ME2: variants seen among roughly 807,000 people sequenced by gnomAD.
ME2 encodes NAD-dependent malic enzyme, mitochondrial.
Under a neutral mutation model 73.7 loss-of-function variants are expected in ME2, and 60 were observed. That is an observed-to-expected ratio of 0.81 (90% CI 0.66 to 1.01). The LOEUF (loss-of-function observed/expected upper bound fraction) is 1.01. ME2 is among the 50% of genes least tolerant of loss of function. The probability of loss-of-function intolerance (pLI) is 0.00; values close to 1 mark genes in which losing one functional copy is unlikely to be tolerated. For missense variants in ME2, 594 were observed against 705.5 expected (o/e 0.84, Z 1.79); for synonymous variants, 199 against 236.9 (o/e 0.84, Z 1.47).
At chr18:50,932,561 G>T in intron 13 of ME2, 1 of 409,974 alleles carries the variant, frequency 2.4e-6, no homozygotes, top group Non-Finnish European at 4.3e-6. Context: ...AATTAAATTT[G>T]TTTTTATTAT....
chr18:50,946,585 T>C (rs1378055949), intron 15 of ME2, among the ~76,000 whole-genome samples: 2 of 152,198 alleles, frequency 1.3e-5, no homozygotes, highest in Non-Finnish European at 2.9e-5. Flanking sequence ...CCTGACCTTA[T>C]AGTTCTAGTG....
Position 50,902,705 on chromosome 18 carries a change from C to G in ME2, c.109-5358C>G, listed in dbSNP as rs141200605. Among the ~76,000 whole-genome samples, 250 of 152,274 alleles carry G rather than the reference C, an allele frequency of 1.6e-3. 1 individual carries two copies. The highest frequency in any genetic ancestry group is 6.0e-4 in the Non-Finnish European group (41 of 68,014). On this transcript the variant is annotated intron_variant, in intron 2 of 15. Coordinates refer to ENST00000321341, the MANE Select transcript of ME2 (RefSeq NM_002396.5). Reference sequence around the variant, plus strand: ...AGCCACTGTGCCTGGCCTCTATCATCTATTTTTATTTGGCCATGATTCTCT... The same window carrying G: ...AGCCACTGTGCCTGGCCTCTATCATGTATTTTTATTTGGCCATGATTCTCT...
chr18:50,883,104 T>G (rs1241309445), intron 1 of ME2, among the ~76,000 whole-genome samples: 2 of 152,240 alleles, frequency 1.3e-5, no homozygotes, highest in Non-Finnish European at 2.9e-5. Flanking sequence ...TTACATTGTG[T>G]TAGTTTTTCC....
intron 1 of ME2, among the ~76,000 whole-genome samples, chr18:50,892,787 G>GA (rs1422818208): frequency 6.6e-6 from 1 of 151,934 alleles, no homozygotes; most frequent in Non-Finnish European, 1.5e-5. Context: ...TTTATTCTAA[G>GA]AAAAACAATT....
At chr18:50,898,075 A>G (rs930960761) in intron 2 of ME2, among the ~76,000 whole-genome samples, 5 of 152,202 alleles carry the variant, frequency 3.3e-5, no homozygotes, top group Non-Finnish European at 7.3e-5. Flanking sequence ...TACCATGTAA[A>G]GAAATCTCAT....
intron 2 of ME2, among the ~76,000 whole-genome samples, chr18:50,898,949 T>G (rs557974992): frequency 3.3e-5 from 5 of 152,356 alleles, no homozygotes; most frequent in African/African-American, 1.2e-4. Flanking sequence ...TCTCCTTTTC[T>G]CCCCATGCTC....
rs1161426219 is a variant in ME2, at chr18:50,951,543, T to C, written c.*4359T>C. ...CTCCTCTCTTCTTTGACGTGTTACGTTGTCTTTTTTTTTTTTTTTTTAACT... is the reference window on the plus strand; with the variant it reads ...CTCCTCTCTTCTTTGACGTGTTACGCTGTCTTTTTTTTTTTTTTTTTAACT... On this transcript the variant is annotated 3_prime_UTR_variant, in exon 16 of 16. Transcript: ENST00000321341. The C allele has an allele frequency of 8.2e-6, 1 of 122,198 alleles. No individual in the cohort carries two copies. Among genetic ancestry groups the C allele is most frequent in the Admixed American group, 1.2e-4 (1 of 8,472 alleles). The allele number at this position is 122,198 out of a possible 1,614,324, so 7.6% of individuals were successfully genotyped here.
In ME2 at chr18:50,895,848, A is replaced by G. The variant is rs1430773491; in HGVS notation, c.28A>G (p.Thr10Ala). Residue 10 changes from threonine to alanine, a missense_variant, in exon 2 of 16, where the codon ACC becomes GCC. Thr to Ala is a moderately conservative substitution (Grantham distance 58, BLOSUM62 0). Coordinates refer to ENST00000321341, the MANE Select transcript of ME2 (RefSeq NM_002396.5). ...GTTGTCCCGGTTAAGAGTAGTTTCC[A>G]CCACTTGTACTTTGGCATGTCGACA... MLSRLRVVSTTCTLACRHLH... is the reference protein window; with the variant it reads MLSRLRVVSATCTLACRHLH... 6.2e-7 allele frequency: 1 copy of G among 1,613,250 alleles called. No homozygotes were observed. Among genetic ancestry groups the G allele is most frequent in the Non-Finnish European group, 8.5e-7 (1 of 1,179,890 alleles).
intron 11 of ME2, among the ~76,000 whole-genome samples, chr18:50,924,974 TAAAC>T (rs1917513448): frequency 6.6e-6 from 1 of 151,844 alleles, no homozygotes; most frequent in African/African-American, 2.4e-5. Flanking sequence ...TAAATAAAAA[TAAAC>T]AACCCCCCAT....
At chr18:50,927,709 A>C (rs1379702986) in intron 12 of ME2, among the ~76,000 whole-genome samples, 8 of 104,372 alleles carry the variant, frequency 7.7e-5, no homozygotes, top group African/African-American at 1.1e-4. Context: ...CTCAAAAAAA[A>C]CCCCAAAAAA....
At chr18:50,896,717 TA>T (rs1916755204) in intron 2 of ME2, among the ~76,000 whole-genome samples, 1 of 152,256 alleles carries the variant, frequency 6.6e-6, no homozygotes, top group Non-Finnish European at 1.5e-5. Context: ...AGAACAGTCA[TA>T]AAAAACTTGC....
chr18:50,924,048 C>T, intron 10 of ME2, 50 bp from the exon 11 acceptor site: 1 of 1,126,164 alleles, frequency 8.9e-7, no homozygotes, highest in East Asian at 2.4e-5. Context: ...TTTATTTCAT[C>T]TTTAATATGC....
chr18:50,912,392 A>AG (rs1917178037), intron 3 of ME2, among the ~76,000 whole-genome samples: 1 of 152,170 alleles, frequency 6.6e-6, no homozygotes, highest in Non-Finnish European at 1.5e-5. Flanking sequence ...GAATAGTGCC[A>AG]GGCATATAGT....
chr18:50,883,730 G>A (rs1195456521), intron 1 of ME2, among the ~76,000 whole-genome samples: 1 of 152,162 alleles, frequency 6.6e-6, no homozygotes, highest in Non-Finnish European at 1.5e-5. Flanking sequence ...CGGGCATGGT[G>A]GTGGGCACCT....
intron 2 of ME2, among the ~76,000 whole-genome samples, chr18:50,907,557 T>G (rs1194322806): frequency 1.3e-5 from 2 of 152,340 alleles, no homozygotes; most frequent in African/African-American, 2.4e-5. Flanking sequence ...AAAGATTTTC[T>G]TATGACATAG....
At chr18:50,913,860 T>TATATACACACAC (rs112137080) in intron 4 of ME2, among the ~76,000 whole-genome samples, 2 of 143,178 alleles carry the variant, frequency 1.4e-5, no homozygotes, top group Non-Finnish European at 3.0e-5. Flanking sequence ...AGCAATATTA[T>TATATACACACAC]ACACACACAC....
Position 50,925,799 on chromosome 18 carries a change from A to G in ME2, c.1215A>G (p.Arg405=), listed in dbSNP as rs1447278255. 2 of 1,613,840 alleles carry G rather than the reference A, an allele frequency of 1.2e-6. No individual in the cohort carries two copies. The highest frequency in any genetic ancestry group is 2.2e-5 in the South Asian group (2 of 91,084). Residue 405 remains arginine, a synonymous_variant, in exon 12 of 16, where the codon AGA becomes AGG. Transcript: ENST00000321341. The stretch of plus-strand genomic sequence containing the variant: ...GTCTTTTCACTCCTGATGTAATCAG[A>G]GCCATGGCCTCTATCAATGAAAGGC... ...AGRLFTPDVI[R]AMASINERPV...
intron 13 of ME2, among the ~76,000 whole-genome samples, chr18:50,936,545 T>G (rs1917823522): frequency 6.6e-6 from 1 of 152,018 alleles, no homozygotes; most frequent in Non-Finnish European, 1.5e-5. Context: ...ATAGAGAGAA[T>G]TAAAATGCAC....
At chr18:50,929,864 T>C (rs1011650022) in intron 12 of ME2, among the ~76,000 whole-genome samples, 2 of 152,166 alleles carry the variant, frequency 1.3e-5, no homozygotes, top group Non-Finnish European at 2.9e-5. Context: ...TTCCAAAATA[T>C]AAAAAATTTA....
Sources: allele counts gnomAD v4.1 joint callset (sites outside exome capture counted in the v4.1 genomes callset), GRCh38; gene constraint gnomAD v4.1.1; transcripts MANE v1.5; gene names NCBI Gene and HGNC (gene_info 2026-07-23, HGNC 2026-07-21).